KHDRBS2: variants seen among roughly 807,000 people sequenced by gnomAD.
The protein encoded by KHDRBS2 is KH RNA binding domain containing, signal transduction associated 2, also known as KH domain-containing, RNA-binding, signal transduction-associated protein 2.
Under a neutral mutation model 44.3 loss-of-function variants are expected in KHDRBS2, and 26 were observed. The observed-to-expected ratio is 0.59, with a 90% CI of 0.43 to 0.81. The LOEUF (loss-of-function observed/expected upper bound fraction) is 0.81. Ranked by LOEUF, KHDRBS2 falls within the 40% of genes least tolerant of loss-of-function variation. The pLI, the probability that KHDRBS2 is intolerant of heterozygous loss-of-function variation, is 0.00. For synonymous variants in KHDRBS2, 194 were observed against 151.1 expected, an observed-to-expected ratio of 1.28 and a Z score of -2.08; for missense variants, 476 against 433.1, an observed-to-expected ratio of 1.10 and a Z score of -0.88.
At chr6:62,104,009 A>G (rs1188144667) in intron 2 of KHDRBS2, among the ~76,000 whole-genome samples, 2 of 152,236 alleles carry the variant, frequency 1.3e-5, no homozygotes, top group African/African-American at 4.8e-5. Context: ...AGAGGGAAAT[A>G]CAGATATACA....
At chr6:61,997,048 T>A (rs1777334469) in intron 3 of KHDRBS2, among the ~76,000 whole-genome samples, 1 of 152,206 alleles carries the variant, frequency 6.6e-6, no homozygotes, top group South Asian at 2.1e-4. Flanking sequence ...CCCAAAGTGC[T>A]GGGATTACAG....
the KHDRBS2 span, among the ~76,000 whole-genome samples, chr6:61,670,531 C>A: frequency 1.3e-5 from 2 of 151,450 alleles, no homozygotes; most frequent in Admixed American, 6.6e-5. Context: ...ACATTAATTT[C>A]ATTTTAAAGA....
intron 6 of KHDRBS2, among the ~76,000 whole-genome samples, chr6:61,768,202 T>G (rs1427296145): frequency 6.6e-6 from 1 of 152,154 alleles, no homozygotes; most frequent in Non-Finnish European, 1.5e-5. Context: ...AAAAGTCCAG[T>G]GGAAACCTTA....
At chr6:61,552,684 T>A in the KHDRBS2 span, among the ~76,000 whole-genome samples, 1 of 152,150 alleles carries the variant, frequency 6.6e-6, no homozygotes, top group African/African-American at 2.4e-5. Context: ...CAATGCCTAG[T>A]TTTTTGAGGA....
chr6:62,270,300 T>TCC (rs371538448), intron 1 of KHDRBS2, among the ~76,000 whole-genome samples: 1 of 134,258 alleles, frequency 7.4e-6, no homozygotes, highest in Non-Finnish European at 1.6e-5. Context: ...TCTCTCTCTC[T>TCC]CCTCTCTCTC....
At chr6:61,690,414 G>C (rs747812495) in intron 8 of KHDRBS2, among the ~76,000 whole-genome samples, 3 of 151,770 alleles carry the variant, frequency 2.0e-5, no homozygotes, top group Admixed American at 1.3e-4. Flanking sequence ...CAAAATGATT[G>C]TGCCATTAAC....
the KHDRBS2 span, among the ~76,000 whole-genome samples, chr6:61,558,237 T>G: frequency 6.6e-6 from 1 of 152,162 alleles, no homozygotes; most frequent in Non-Finnish European, 1.5e-5. Context: ...TTTGAAGTTT[T>G]CTTACTTTTT....
the KHDRBS2 span, among the ~76,000 whole-genome samples, chr6:61,631,836 T>C: frequency 6.6e-6 from 1 of 152,264 alleles, no homozygotes; most frequent in Admixed American, 6.5e-5. Flanking sequence ...TCTGAGTTTG[T>C]CTCCAGTGGC....
At chr6:61,852,587 C>A (rs1435703084) in intron 6 of KHDRBS2, among the ~76,000 whole-genome samples, 1 of 151,864 alleles carries the variant, frequency 6.6e-6, no homozygotes, top group African/African-American at 2.4e-5. Flanking sequence ...AAAGATTTCC[C>A]CCCCTTTAAT....
At chr6:62,256,922 G>T (rs780325435) in intron 1 of KHDRBS2, among the ~76,000 whole-genome samples, 4 of 152,068 alleles carry the variant, frequency 2.6e-5, no homozygotes, top group Non-Finnish European at 4.4e-5. Flanking sequence ...TTAGTTGGTT[G>T]TGCAGATGCT....
At chr6:61,908,351 T>C (rs1583451852) in intron 4 of KHDRBS2, among the ~76,000 whole-genome samples, 1 of 152,034 alleles carries the variant, frequency 6.6e-6, no homozygotes, top group East Asian at 1.9e-4. Context: ...AATCAATACA[T>C]AGGCTGGGCG....
intron 6 of KHDRBS2, among the ~76,000 whole-genome samples, chr6:61,840,228 T>C (rs1418198242): frequency 2.6e-5 from 4 of 152,076 alleles, no homozygotes; most frequent in Non-Finnish European, 4.4e-5. Flanking sequence ...TTTGCCAATG[T>C]CAAACTAGTA....
At chr6:61,931,823 G>T (rs944903875) in intron 4 of KHDRBS2, among the ~76,000 whole-genome samples, 8 of 151,654 alleles carry the variant, frequency 5.3e-5, no homozygotes, top group African/African-American at 1.9e-4. Flanking sequence ...CACCTCTTCT[G>T]CCTCTGCCAT....
intron 6 of KHDRBS2, among the ~76,000 whole-genome samples, chr6:61,781,935 T>TA (rs1368392362): frequency 5.3e-5 from 8 of 152,212 alleles, no homozygotes; most frequent in Non-Finnish European, 1.0e-4. Context: ...ATGATGCTTC[T>TA]ATGCCAAATT....
At chr6:62,094,666 T>A (rs1800187027) in intron 2 of KHDRBS2, among the ~76,000 whole-genome samples, 1 of 151,948 alleles carries the variant, frequency 6.6e-6, no homozygotes, top group Admixed American at 6.6e-5. Flanking sequence ...TTCCCCCTAC[T>A]TTCTCCTAGT....
chr6:62,071,188 T>C (rs927851984), intron 2 of KHDRBS2, among the ~76,000 whole-genome samples: 2 of 152,100 alleles, frequency 1.3e-5, no homozygotes, highest in Admixed American at 6.6e-5. Context: ...GATGGGGTTG[T>C]TTGTTTTTTT....
chr6:62,149,185 G>A (rs1239944782), intron 2 of KHDRBS2, among the ~76,000 whole-genome samples: 2 of 151,962 alleles, frequency 1.3e-5, no homozygotes, highest in African/African-American at 2.4e-5. Context: ...CACCATTAAA[G>A]GAAGACCTCC....
intron 6 of KHDRBS2, among the ~76,000 whole-genome samples, chr6:61,805,887 T>C (rs921098456): frequency 1.3e-5 from 2 of 152,106 alleles, no homozygotes; most frequent in African/African-American, 4.8e-5. Context: ...AGCCATACCA[T>C]ATCAGGTAGT....
intron 6 of KHDRBS2, among the ~76,000 whole-genome samples, chr6:61,886,912 G>A (rs1363708688): frequency 6.6e-6 from 1 of 152,126 alleles, no homozygotes; most frequent in Non-Finnish European, 1.5e-5. Flanking sequence ...CTCTGTAGTT[G>A]GAGGTCTTCA....
Sources: allele counts gnomAD v4.1 joint callset (sites outside exome capture counted in the v4.1 genomes callset), GRCh38; gene constraint gnomAD v4.1.1; transcripts MANE v1.5; gene names NCBI Gene and HGNC (gene_info 2026-07-23, HGNC 2026-07-21).